THSD7B: variants seen among roughly 807,000 people sequenced by gnomAD.
The protein encoded by THSD7B is thrombospondin type 1 domain containing 7B.
A neutral mutation model predicts 213.6 loss-of-function variants in THSD7B; 138 were observed. The observed-to-expected ratio is 0.65, with a 90% confidence interval of 0.56 to 0.74. THSD7B has a LOEUF of 0.74. THSD7B is among the 30% of genes least tolerant of loss of function. THSD7B has a pLI of 0.00. For synonymous variants in THSD7B, 742 were observed against 687.0 expected (o/e 1.08, Z -1.25); for missense variants, 1,931 against 1,991.5 (o/e 0.97, Z 0.58).
At chr2:137,408,522 A>G (rs749504985) in intron 13 of THSD7B, among the ~76,000 whole-genome samples, 1 of 152,214 alleles carries the variant, frequency 6.6e-6, no homozygotes, top group Non-Finnish European at 1.5e-5. Context: ...TAATTACAGT[A>G]CAGCTTCTGC....
intron 2 of THSD7B, among the ~76,000 whole-genome samples, chr2:136,967,305 C>G (rs1194789661): frequency 1.3e-5 from 2 of 152,154 alleles, no homozygotes; most frequent in African/African-American, 2.4e-5. Context: ...CTGGGTTGCC[C>G]TACTGTTTTC....
chr2:137,072,960 G>T (rs1687529419), intron 3 of THSD7B, among the ~76,000 whole-genome samples: 2 of 152,284 alleles, frequency 1.3e-5, no homozygotes, highest in Admixed American at 1.3e-4. Context: ...AAGCCTACTT[G>T]ATCATGGTAG....
intron 1 of THSD7B, among the ~76,000 whole-genome samples, chr2:136,794,489 G>T (rs1340091399): frequency 6.6e-6 from 1 of 151,620 alleles, no homozygotes; most frequent in African/African-American, 2.4e-5. Flanking sequence ...TTTTCAAAAA[G>T]TTGGTGGATT....
At chr2:136,963,931 A>G (rs936713580) in intron 2 of THSD7B, among the ~76,000 whole-genome samples, 4 of 152,202 alleles carry the variant, frequency 2.6e-5, no homozygotes, top group African/African-American at 9.7e-5. Context: ...TTGGGTTACA[A>G]CTATATGTGA....
chr2:136,898,937 G>T (rs536779035), intron 2 of THSD7B, among the ~76,000 whole-genome samples: 1 of 152,088 alleles, frequency 6.6e-6, no homozygotes, highest in East Asian at 1.9e-4. Context: ...CACTGTGCCC[G>T]ACTGGGAACT....
chr2:137,426,265 A>G (rs1390160496), intron 14 of THSD7B, among the ~76,000 whole-genome samples: 1 of 152,166 alleles, frequency 6.6e-6, no homozygotes, highest in Non-Finnish European at 1.5e-5. Flanking sequence ...AAAATCATCT[A>G]CAGACTCAAT....
chr2:137,654,838 T>G (rs1558872907), intron 21 of THSD7B, among the ~76,000 whole-genome samples: 2 of 152,170 alleles, frequency 1.3e-5, no homozygotes, highest in Non-Finnish European at 2.9e-5. Context: ...GCCAAAAATT[T>G]TATAGTAGGA....
chr2:137,035,956 G>A (rs770227490), intron 2 of THSD7B, among the ~76,000 whole-genome samples: 1 of 152,156 alleles, frequency 6.6e-6, no homozygotes, highest in Non-Finnish European at 1.5e-5. Flanking sequence ...CAGAATTGCT[G>A]CAGCAGTAGT....
intron 12 of THSD7B, among the ~76,000 whole-genome samples, chr2:137,323,189 G>T (rs539572751): frequency 6.6e-6 from 1 of 152,178 alleles, no homozygotes; most frequent in African/African-American, 2.4e-5. Flanking sequence ...GAGTTAAAAA[G>T]ATTCTACAAA....
chr2:137,366,341 G>A (rs1685407164), intron 12 of THSD7B, among the ~76,000 whole-genome samples: 2 of 151,926 alleles, frequency 1.3e-5, no homozygotes, highest in Non-Finnish European at 2.9e-5. Flanking sequence ...GTATACATAT[G>A]TAACAAACCT....
intron 2 of THSD7B, among the ~76,000 whole-genome samples, chr2:136,918,438 G>A (rs1008575136): frequency 2.6e-5 from 4 of 152,090 alleles, no homozygotes; most frequent in African/African-American, 7.2e-5. Flanking sequence ...AAATATAGTT[G>A]CTACGTTATA....
chr2:136,769,153 A>G (rs1681461323), intron 1 of THSD7B, among the ~76,000 whole-genome samples: 1 of 152,196 alleles, frequency 6.6e-6, no homozygotes, highest in Non-Finnish European at 1.5e-5. Context: ...CTTGAGAGCT[A>G]ACAGTGGCTA....
At chr2:136,842,962 C>G (rs924386556) in intron 1 of THSD7B, among the ~76,000 whole-genome samples, 2 of 152,082 alleles carry the variant, frequency 1.3e-5, no homozygotes, top group Non-Finnish European at 2.9e-5. Context: ...TTTCCTTGCC[C>G]CTTCTGAATA....
intron 1 of THSD7B, among the ~76,000 whole-genome samples, chr2:136,769,785 A>T (rs1255774103): frequency 6.6e-6 from 1 of 152,220 alleles, no homozygotes; most frequent in Non-Finnish European, 1.5e-5. Context: ...AGAAAAGGTT[A>T]GACATTGACC....
At position 137,265,748 on chromosome 2, in the gene THSD7B, A is replaced by T. The variant is rs562132253; in HGVS notation, c.2267-6785A>T. 1.2e-3 allele frequency among the ~76,000 whole-genome samples: 189 copies of T among 152,372 alleles called. 3 individuals carry two copies. The highest frequency in any genetic ancestry group is 4.3e-3 in the African/African-American group (178 of 41,590). On this transcript the variant is annotated intron_variant, in intron 10 of 27. Coordinates refer to ENST00000409968, the MANE Select transcript of THSD7B (RefSeq NM_001316349.2). ...AAATAAAATGTACATGTTTCTTATT[A>T]TACATGCACATGGGGGTGATAGTCT...
At chr2:137,656,592 C>T (rs1362552088) in intron 22 of THSD7B, among the ~76,000 whole-genome samples, 1 of 152,168 alleles carries the variant, frequency 6.6e-6, no homozygotes, top group Non-Finnish European at 1.5e-5. Flanking sequence ...TAGTTTTTGG[C>T]ACTTTCTTGT....
In THSD7B at chr2:137,160,288, C is replaced by T; in HGVS notation, c.1445C>T (p.Ser482Phe). 6.2e-7 allele frequency: 1 copy of T among 1,613,726 alleles called. No homozygotes were observed. Among genetic ancestry groups the T allele is most frequent in the Non-Finnish European group, 8.5e-7 (1 of 1,179,744 alleles). ...TCTCAGCTCTGCAATATCCCTTGCT[C>T]TACGGACTGCATAGTATCTTCCTGG... ...LPSQLCNIPC[S>F]TDCIVSSWSA... is the part of the protein sequence containing the mutation. Residue 482 changes from serine (S) to phenylalanine (F), a missense_variant, in exon 6 of 28, where the codon TCT becomes TTT. Coordinates refer to ENST00000409968, the MANE Select transcript of THSD7B (RefSeq NM_001316349.2).
At chr2:136,839,154 T>C (rs1286930491) in intron 1 of THSD7B, among the ~76,000 whole-genome samples, 2 of 152,224 alleles carry the variant, frequency 1.3e-5, no homozygotes, top group African/African-American at 4.8e-5. Flanking sequence ...TTTCCTAGAC[T>C]ATGCTTTGAG....
At chr2:137,366,297 G>C (rs906296768) in intron 12 of THSD7B, among the ~76,000 whole-genome samples, 1 of 151,924 alleles carries the variant, frequency 6.6e-6, no homozygotes, top group Non-Finnish European at 1.5e-5. Context: ...TGTAAATAAT[G>C]AGTTAATGGC....
Sources: allele counts gnomAD v4.1 joint callset (sites outside exome capture counted in the v4.1 genomes callset), GRCh38; gene constraint gnomAD v4.1.1; transcripts MANE v1.5; gene names NCBI Gene and HGNC (gene_info 2026-07-23, HGNC 2026-07-21).